The following KDM5A variants were observed in gnomAD, a reference collection of about 807,000 sequenced individuals.
The protein encoded by KDM5A is lysine-specific demethylase 5A.
Under a neutral mutation model 193.5 loss-of-function variants are expected in KDM5A, and 42 were observed. The ratio of observed to expected loss-of-function variants is 0.22; its 90% CI spans 0.17 to 0.28. The LOEUF (loss-of-function observed/expected upper bound fraction) is 0.28, where lower values mean the gene tolerates loss of function less well. Among genes scored for constraint, KDM5A ranks in the 10% least tolerant of loss-of-function variants. KDM5A has a pLI of 1.00. For synonymous variants in KDM5A, 796 were observed against 718.1 expected (o/e 1.11, Z -1.73); for missense variants, 1,692 against 2,055.1 (o/e 0.82, Z 3.42).
chr12:372,271 T>G (rs1944438447), intron 3 of KDM5A, among the ~76,000 whole-genome samples: 1 of 152,232 alleles, frequency 6.6e-6, no homozygotes, highest in African/African-American at 2.4e-5. Flanking sequence ...CTCTTTTATT[T>G]CATTGAGCAG....
chr12:388,879 A>C (rs1210907729), intron 1 of KDM5A, 48 bp downstream of exon 1: 2 of 1,591,222 alleles, frequency 1.3e-6, no homozygotes, highest in Non-Finnish European at 1.7e-6. Flanking sequence ...CAGTGTACGG[A>C]CTCCCCCATT....
At chr12:294,626 T>C (rs1399830463) in intron 26 of KDM5A, among the ~76,000 whole-genome samples, 1 of 152,194 alleles carries the variant, frequency 6.6e-6, no homozygotes, top group Non-Finnish European at 1.5e-5. Flanking sequence ...AAACAAACTA[T>C]AGCATATGCT....
chr12:294,401 A>AT (rs1192728600), intron 26 of KDM5A, among the ~76,000 whole-genome samples: 1 of 152,232 alleles, frequency 6.6e-6, no homozygotes, highest in African/African-American at 2.4e-5. Flanking sequence ...AATCTTTGAC[A>AT]GGAACCTAAG....
chr12:320,547 C>T (rs1943705201), intron 18 of KDM5A, among the ~76,000 whole-genome samples: 1 of 152,092 alleles, frequency 6.6e-6, no homozygotes, highest in Admixed American at 6.5e-5. Flanking sequence ...CTACCCACCC[C>T]TCAAACACAA....
chr12:387,513 T>C (rs1008906188), intron 1 of KDM5A, among the ~76,000 whole-genome samples: 2 of 152,230 alleles, frequency 1.3e-5, no homozygotes, highest in Admixed American at 1.3e-4. Flanking sequence ...TGGAAGTTTT[T>C]GGAGGATGGC....
At chr12:363,800 G>A (rs1944320294) in intron 4 of KDM5A, among the ~76,000 whole-genome samples, 1 of 152,030 alleles carries the variant, frequency 6.6e-6, no homozygotes, top group African/African-American at 2.4e-5. Context: ...AAAGTGACCA[G>A]TACAAAAATG....
At chr12:372,623 A>C (rs1346449914) in intron 3 of KDM5A, among the ~76,000 whole-genome samples, 2 of 152,134 alleles carry the variant, frequency 1.3e-5, no homozygotes, top group Non-Finnish European at 2.9e-5. Flanking sequence ...AACTTCCAAC[A>C]CTATGTTGAA....
chr12:379,645 G>A (rs1944551217), intron 3 of KDM5A, among the ~76,000 whole-genome samples: 1 of 152,100 alleles, frequency 6.6e-6, no homozygotes, highest in Non-Finnish European at 1.5e-5. Flanking sequence ...CTGCCTTTTA[G>A]CTTTAAATCT....
chr12:355,294 G>C, intron 6 of KDM5A, 45 bp from the exon 7 acceptor site: 1 of 1,042,652 alleles, frequency 9.6e-7, no homozygotes, highest in Non-Finnish European at 1.5e-6. Flanking sequence ...CCAATGTTGA[G>C]AGCTTACTAT....
intron 10 of KDM5A, among the ~76,000 whole-genome samples, chr12:335,612 TAAAA>T (rs1269956639): frequency 3.3e-5 from 5 of 151,900 alleles, no homozygotes; most frequent in Admixed American, 3.3e-4. Context: ...AAGTTAAAAA[TAAAA>T]AACCCTCAAG....
Position 362,960 on chromosome 12 carries a change from T to TA in KDM5A, c.672+2dup. The TA allele has an allele frequency of 6.2e-7, 1 of 1,614,034 alleles. No homozygotes were observed. Among genetic ancestry groups the TA allele is most frequent in the Non-Finnish European group, 8.5e-7 (1 of 1,179,874 alleles). ...AATTTAAAAAAGCCCAAGACATTGATACCTGAGTCTTCACACGTCTTGTTC... is the reference window on the plus strand; with the variant it reads ...AATTTAAAAAAGCCCAAGACATTGATAACCTGAGTCTTCACACGTCTTGTTC... On this transcript the variant is annotated splice_region_variant and intron_variant, in intron 5 of 27. Transcript: ENST00000399788.
chr12:346,563 T>G (rs566831928), intron 10 of KDM5A, among the ~76,000 whole-genome samples: 1 of 152,170 alleles, frequency 6.6e-6, no homozygotes, highest in South Asian at 2.1e-4. Flanking sequence ...AGCTTATTAT[T>G]CACCACAATC....
chr12:315,205 G>T (rs962574741), intron 19 of KDM5A, among the ~76,000 whole-genome samples: 3 of 152,176 alleles, frequency 2.0e-5, no homozygotes, highest in Admixed American at 6.6e-5. Context: ...CAGAGAGAAT[G>T]ATATATCCAA....
chr12:352,673 A>C (rs1591927379), intron 8 of KDM5A, among the ~76,000 whole-genome samples: 1 of 152,216 alleles, frequency 6.6e-6, no homozygotes, highest in East Asian at 1.9e-4. Context: ...TTGGCCATGG[A>C]GGAAACAAAT....
intron 27 of KDM5A, among the ~76,000 whole-genome samples, chr12:289,615 T>A (rs2137360037): frequency 6.7e-6 from 1 of 150,322 alleles, no homozygotes; most frequent in African/African-American, 2.4e-5. Context: ...TTCAGGAAGC[T>A]GTGGCAGGAG....
chr12:355,289 G>C (rs376335204), intron 6 of KDM5A, 40 bp from the exon 7 acceptor site: 1 of 1,097,624 alleles, frequency 9.1e-7, no homozygotes, highest in Non-Finnish European at 1.4e-6. Flanking sequence ...AAAAACCAAT[G>C]TTGAGAGCTT....
chr12:366,747 C>A lies in KDM5A; in HGVS notation c.367-643G>T, dbSNP rs566329820. 7.2e-5 allele frequency among the ~76,000 whole-genome samples: 11 copies of A among 152,274 alleles called. No homozygotes were observed. In the East Asian group the frequency reaches 1.7e-3, roughly 24 times the overall value. ...AACTTGGCTGAATGGTCACATCAAG[C>A]CAGGCACTCTACAGAATACATATTT... On this transcript the variant is annotated intron_variant, in intron 3 of 27. Transcript: ENST00000399788.
At chr12:376,136 G>A (rs1375790863) in intron 3 of KDM5A, among the ~76,000 whole-genome samples, 2 of 152,226 alleles carry the variant, frequency 1.3e-5, no homozygotes, top group African/African-American at 4.8e-5. Flanking sequence ...AGTCTGCAGA[G>A]GTTTCTACTA....
At chr12:372,986 T>G (rs1231452121) in intron 3 of KDM5A, among the ~76,000 whole-genome samples, 1 of 152,198 alleles carries the variant, frequency 6.6e-6, no homozygotes, top group African/African-American at 2.4e-5. Context: ...CTGCTGGATT[T>G]GGTTTGCCAG....
Sources: gnomAD v4.1 joint callset for allele counts (sites outside exome capture counted in the v4.1 genomes callset) on GRCh38, gnomAD v4.1.1 for gene constraint, MANE v1.5 for transcripts, NCBI Gene and HGNC (gene_info 2026-07-23, HGNC 2026-07-21) for gene names.